The following FBXW10B variants were observed in gnomAD, a reference collection of about 807,000 sequenced individuals.
The protein encoded by FBXW10B is F-box and WD repeat domain containing protein 10B.
the FBXW10B span, among the ~76,000 whole-genome samples, chr17:15,574,801 C>T: frequency 6.6e-6 from 1 of 152,102 alleles, no homozygotes; most frequent in Non-Finnish European, 1.5e-5. Flanking sequence ...GCTGTGTCAG[C>T]GCAGCCACCT....
chr17:15,608,308 T>C, the FBXW10B span, among the ~76,000 whole-genome samples: 1 of 147,674 alleles, frequency 6.8e-6, no homozygotes, highest in African/African-American at 2.5e-5. Flanking sequence ...ACTACAAGCG[T>C]GCACCACCAT....
chr17:15,604,415 G>A, the FBXW10B span, among the ~76,000 whole-genome samples: 1 of 152,168 alleles, frequency 6.6e-6, no homozygotes, highest in Non-Finnish European at 1.5e-5. Flanking sequence ...CTGGTTGGCA[G>A]GAAGAAGCAA....
At chr17:15,610,217 G>A in the FBXW10B span, among the ~76,000 whole-genome samples, 1 of 152,166 alleles carries the variant, frequency 6.6e-6, no homozygotes. Flanking sequence ...AAGGCGAAGG[G>A]TGGCTTGACA....
At chr17:15,609,828 C>A in the FBXW10B span, among the ~76,000 whole-genome samples, 7 of 150,308 alleles carry the variant, frequency 4.7e-5, no homozygotes, top group Admixed American at 4.6e-4. Context: ...TGCTTCTCTC[C>A]CTTTTCTCTC....
chr17:15,597,060 A>G, the FBXW10B span, among the ~76,000 whole-genome samples: 5 of 151,962 alleles, frequency 3.3e-5, no homozygotes, highest in Non-Finnish European at 5.9e-5. Context: ...AATTAAAAAA[A>G]AAAAAAGAAA....
chr17:15,612,051 G>C, the FBXW10B span, among the ~76,000 whole-genome samples: 2 of 152,184 alleles, frequency 1.3e-5, no homozygotes, highest in Non-Finnish European at 2.9e-5. Flanking sequence ...ATCCTCCAGA[G>C]GCATGGGCTG....
chr17:15,581,354 AC>A, the FBXW10B span, among the ~76,000 whole-genome samples: 3 of 152,330 alleles, frequency 2.0e-5, no homozygotes, highest in African/African-American at 7.2e-5. Flanking sequence ...TCTACAGTGG[AC>A]CCTCAACATA....
chr17:15,599,796 G>C, the FBXW10B span, among the ~76,000 whole-genome samples: 1 of 151,944 alleles, frequency 6.6e-6, no homozygotes, highest in Non-Finnish European at 1.5e-5. Flanking sequence ...AGAATGCTGA[G>C]ATAATGGTTC....
the FBXW10B span, chr17:15,619,615 C>T: frequency 6.6e-7 from 1 of 1,513,558 alleles, no homozygotes; most frequent in Non-Finnish European, 8.8e-7. Flanking sequence ...CCAGTTGTGC[C>T]TTTTCTATTA....
chr17:15,597,066 A>G, the FBXW10B span, among the ~76,000 whole-genome samples: 1 of 150,816 alleles, frequency 6.6e-6, no homozygotes, highest in African/African-American at 2.5e-5. Flanking sequence ...AAAAAAAAAA[A>G]GAAAATCTTG....
chr17:15,612,793 A>C, the FBXW10B span: 1 of 1,614,080 alleles, frequency 6.2e-7, no homozygotes, highest in Non-Finnish European at 8.5e-7. Flanking sequence ...TTATTGGCAT[A>C]ATTAGGATCA....
chr17:15,601,423 A>AG, the FBXW10B span, among the ~76,000 whole-genome samples: 1 of 151,066 alleles, frequency 6.6e-6, no homozygotes, highest in Non-Finnish European at 1.5e-5. Context: ...AAAAAAAAAA[A>AG]AAAAAAGAGA....
chr17:15,569,128 G>C, the FBXW10B span: 1 of 687,420 alleles, frequency 1.5e-6, no homozygotes, highest in Non-Finnish European at 2.1e-6. Context: ...GATTAATGTT[G>C]ATTTCTTTCC....
At chr17:15,591,991 G>T in the FBXW10B span, among the ~76,000 whole-genome samples, 1 of 152,082 alleles carries the variant, frequency 6.6e-6, no homozygotes, top group Admixed American at 6.5e-5. Flanking sequence ...CTGTGCCCCC[G>T]CAGCACTGCC....
chr17:15,568,878 T>C, the FBXW10B span: 8 of 1,231,574 alleles, frequency 6.5e-6, no homozygotes, highest in Non-Finnish European at 8.1e-6. Context: ...CCCTGGAATC[T>C]GTGCCCTCTC....
At chr17:15,591,879 C>T in the FBXW10B span, among the ~76,000 whole-genome samples, 1 of 152,126 alleles carries the variant, frequency 6.6e-6, no homozygotes, top group Non-Finnish European at 1.5e-5. Context: ...GTAGACAGAA[C>T]ATCTATACTT....
the FBXW10B span, chr17:15,619,271 T>A: frequency 6.2e-7 from 1 of 1,614,002 alleles, no homozygotes; most frequent in Non-Finnish European, 8.5e-7. Flanking sequence ...ATCCTTTCCC[T>A]GTGTGGTCTG....
At chr17:15,590,869 C>A in the FBXW10B span, among the ~76,000 whole-genome samples, 2 of 152,254 alleles carry the variant, frequency 1.3e-5, no homozygotes, top group Non-Finnish European at 2.9e-5. Context: ...CCATCCCTGG[C>A]AGGAGTGCCT....
the FBXW10B span, among the ~76,000 whole-genome samples, chr17:15,595,460 C>A: frequency 0.037 from 5,619 of 152,282 alleles, 313 homozygotes; most frequent in African/African-American, 0.12. Flanking sequence ...TGGGGCCTTG[C>A]TCCTGGTGGG....
Sources: gnomAD v4.1 joint callset for allele counts (sites outside exome capture counted in the v4.1 genomes callset) on GRCh38, gnomAD v4.1.1 for gene constraint, MANE v1.5 for transcripts, NCBI Gene and HGNC (gene_info 2026-07-23, HGNC 2026-07-21) for gene names.